Variants in ASIC2 observed in about 807,000 individuals in gnomAD.
The protein encoded by ASIC2 is acid sensing ion channel subunit 2.
Under a neutral mutation model 57.3 loss-of-function variants are expected in ASIC2, and 25 were observed. That is an observed-to-expected ratio of 0.44 (90% confidence interval 0.32 to 0.61). The LOEUF (loss-of-function observed/expected upper bound fraction) is 0.61, where lower values mean the gene tolerates loss of function less well. Among genes scored for constraint, ASIC2 ranks in the 20% least tolerant of loss-of-function variants. The pLI, the probability that ASIC2 is intolerant of heterozygous loss-of-function variation, is 0.06. For synonymous variants in ASIC2, 319 were observed against 307.5 expected, an observed-to-expected ratio of 1.04 and a Z score of -0.39; for missense variants, 641 against 738.1, an observed-to-expected ratio of 0.87 and a Z score of 1.52.
intron 1 of ASIC2, among the ~76,000 whole-genome samples, chr17:34,152,688 C>A (rs55881101): frequency 2.4e-4 from 37 of 152,334 alleles, no homozygotes; most frequent in Non-Finnish European, 3.4e-4. Flanking sequence ...ATTACTATCA[C>A]ATGTTAGATG....
In ASIC2 at chr17:33,868,499, T is replaced by C. The variant is rs570642193; in HGVS notation, c.555+287479A>G. 0.013 allele frequency among the ~76,000 whole-genome samples: 40 copies of C among 3,058 alleles called. No individual in the cohort carries two copies. In the East Asian group the frequency reaches 0.38, roughly 29 times the overall value. 2.0% of individuals were successfully genotyped at this position (3,058 alleles called of 152,430 possible). On this transcript the variant is annotated intron_variant, in intron 1 of 9. Transcript: ENST00000359872. ...AATGTAACAGCTAAAAATATAAAAC[T>C]ATTAGAAAAAAATATAGGCATAAAT...
In ASIC2 at chr17:34,055,950, T is replaced by C. The variant is rs557305824; in HGVS notation, c.555+100028A>G. Among the ~76,000 whole-genome samples, 7 of 152,252 alleles carry C rather than the reference T, an allele frequency of 4.6e-5. No individual in the cohort carries two copies. The East Asian group carries it at 1.4e-3, about 29-fold the overall frequency. On this transcript the variant is annotated intron_variant, in intron 1 of 9. Coordinates refer to the ASIC2 transcript ENST00000359872. ...AATAGAGTAGAGGGGGCAGGGATGG[T>C]GGCAAGAAAAGCAGTTAAGAGGCTA...
chr17:33,343,902 C>T (rs567579685), intron 1 of ASIC2, among the ~76,000 whole-genome samples: 1 of 152,358 alleles, frequency 6.6e-6, no homozygotes, highest in East Asian at 1.9e-4. Context: ...TTTGCCCAGA[C>T]TTTGTCCCGT....
chr17:33,101,426 C>A lies in ASIC2; in HGVS notation c.859+10491G>T, dbSNP rs546326261. ...TAATGAAAACCAGCAGTTTCCTGCTCCACCTCTTCCTACCCCCGAGTCCTA... is the reference window on the plus strand; with the variant it reads ...TAATGAAAACCAGCAGTTTCCTGCTACACCTCTTCCTACCCCCGAGTCCTA... On this transcript the variant is annotated intron_variant, in intron 2 of 9. Coordinates refer to ENST00000225823, the MANE Select transcript of ASIC2 (RefSeq NM_183377.2). 7.9e-5 allele frequency among the ~76,000 whole-genome samples: 12 copies of A among 152,310 alleles called. No homozygotes were observed. In the South Asian group the frequency reaches 2.3e-3, roughly 29 times the overall value.
At chr17:33,738,512 G>A (rs182998389) in intron 1 of ASIC2, among the ~76,000 whole-genome samples, 13 of 152,252 alleles carry the variant, frequency 8.5e-5, no homozygotes, top group East Asian at 3.9e-4. Context: ...GGGGGATTGC[G>A]TTTTACACCA....
intron 2 of ASIC2, among the ~76,000 whole-genome samples, chr17:33,098,530 T>C (rs141593641): frequency 4.6e-5 from 7 of 152,336 alleles, no homozygotes; most frequent in African/African-American, 1.7e-4. Flanking sequence ...GCTGCAATTA[T>C]GCCTGTTCTG....
intron 1 of ASIC2, among the ~76,000 whole-genome samples, chr17:33,162,909 T>C (rs893613851): frequency 2.6e-4 from 40 of 152,210 alleles, no homozygotes; most frequent in African/African-American, 9.2e-4. Context: ...TCTGGCAATT[T>C]TGTAAGCATT....
chr17:33,912,097 G>C (rs1228191321), intron 1 of ASIC2, among the ~76,000 whole-genome samples: 1 of 128,796 alleles, frequency 7.8e-6, no homozygotes, highest in African/African-American at 3.0e-5. Context: ...CTGAAATCAC[G>C]CCATTGCACT....
At chr17:33,377,479 C>A (rs1258794528) in intron 1 of ASIC2, among the ~76,000 whole-genome samples, 1 of 152,196 alleles carries the variant, frequency 6.6e-6, no homozygotes. Context: ...CTTCTCATTG[C>A]CAATCTTTTA....
At chr17:33,992,968 C>A (rs1453668668) in intron 1 of ASIC2, among the ~76,000 whole-genome samples, 1 of 152,148 alleles carries the variant, frequency 6.6e-6, no homozygotes, top group Admixed American at 6.5e-5. Flanking sequence ...GCTTGAAACC[C>A]TGGCTGTATG....
chr17:33,410,151 G>A (rs775368050), intron 1 of ASIC2, among the ~76,000 whole-genome samples: 8 of 152,084 alleles, frequency 5.3e-5, no homozygotes, highest in Non-Finnish European at 7.3e-5. Flanking sequence ...GGCTCTAATC[G>A]CTGACTCTTC....
At chr17:33,115,524 C>G (rs1030974731) in intron 1 of ASIC2, among the ~76,000 whole-genome samples, 3 of 152,162 alleles carry the variant, frequency 2.0e-5, no homozygotes, top group Non-Finnish European at 4.4e-5. Flanking sequence ...GCAGCAAGCT[C>G]TTCCCCGCCA....
chr17:33,760,948 A>G (rs1393923622), intron 1 of ASIC2, among the ~76,000 whole-genome samples: 2 of 152,102 alleles, frequency 1.3e-5, no homozygotes, highest in African/African-American at 2.4e-5. Context: ...CTTCTAAAAT[A>G]TTTGGTTAGC....
At chr17:33,641,227 A>G (rs557202781) in intron 1 of ASIC2, among the ~76,000 whole-genome samples, 3 of 152,324 alleles carry the variant, frequency 2.0e-5, no homozygotes, top group Admixed American at 6.5e-5. Flanking sequence ...AGACAGTTCT[A>G]TTCCTTGCCC....
chr17:33,539,843 G>A (rs1026895060), intron 1 of ASIC2, among the ~76,000 whole-genome samples: 2 of 152,230 alleles, frequency 1.3e-5, no homozygotes, highest in Non-Finnish European at 2.9e-5. Context: ...TGAGACCCAT[G>A]CAGTGTCATG....
At chr17:33,015,409 G>A (rs1158192393) in intron 9 of ASIC2, among the ~76,000 whole-genome samples, 1 of 152,198 alleles carries the variant, frequency 6.6e-6, no homozygotes, top group Non-Finnish European at 1.5e-5. Flanking sequence ...TGCTTGGAGG[G>A]CAGCTCTGAC....
At chr17:33,156,373 A>G (rs1366734631) in intron 1 of ASIC2, among the ~76,000 whole-genome samples, 1 of 151,772 alleles carries the variant, frequency 6.6e-6, no homozygotes, top group Non-Finnish European at 1.5e-5. Context: ...TAATCCACCC[A>G]CCTTGGCCTC....
At chr17:33,364,600 T>A (rs1156548924) in intron 1 of ASIC2, among the ~76,000 whole-genome samples, 1 of 152,152 alleles carries the variant, frequency 6.6e-6, no homozygotes, top group Non-Finnish European at 1.5e-5. Context: ...CTTCTCTCTC[T>A]CCTTCTGGCC....
intron 1 of ASIC2, among the ~76,000 whole-genome samples, chr17:34,151,608 T>TA (rs1276238679): frequency 6.6e-6 from 1 of 152,094 alleles, no homozygotes; most frequent in East Asian, 1.9e-4. Context: ...GCAGCAGAAT[T>TA]AATATGAAGA....
Sources: allele counts gnomAD v4.1 joint callset (sites outside exome capture counted in the v4.1 genomes callset), GRCh38; gene constraint gnomAD v4.1.1; transcripts MANE v1.5; gene names NCBI Gene and HGNC (gene_info 2026-07-23, HGNC 2026-07-21).